ABTB3: variants seen among roughly 807,000 people sequenced by gnomAD.
The protein encoded by ABTB3 is ankyrin repeat- and BTB/POZ domain-containing protein 3.
the ABTB3 span, among the ~76,000 whole-genome samples, chr12:107,356,098 A>G: frequency 3.2e-4 from 48 of 152,302 alleles, 1 homozygote; most frequent in East Asian, 9.3e-3. Flanking sequence ...CACAATAAAA[A>G]TGTTCATCCA....
the ABTB3 span, among the ~76,000 whole-genome samples, chr12:107,412,062 T>C: frequency 6.6e-6 from 1 of 152,144 alleles, no homozygotes; most frequent in Non-Finnish European, 1.5e-5. Context: ...GCAGTGCTGT[T>C]TAGGAATGGT....
chr12:107,480,264 A>G, the ABTB3 span, among the ~76,000 whole-genome samples: 1 of 152,030 alleles, frequency 6.6e-6, no homozygotes, highest in African/African-American at 2.4e-5. Context: ...CTGATTGTGG[A>G]GGGCATTGCA....
chr12:107,318,904 T>A, the ABTB3 span: 5 of 1,545,584 alleles, frequency 3.2e-6, no homozygotes, highest in Middle Eastern at 1.7e-4. Context: ...TCCTTCCCTT[T>A]GGCTCCCAGG....
At chr12:107,357,602 T>G in the ABTB3 span, among the ~76,000 whole-genome samples, 1 of 152,170 alleles carries the variant, frequency 6.6e-6, no homozygotes, top group African/African-American at 2.4e-5. Context: ...CAGAGTAAGA[T>G]TCTATCTCTA....
chr12:107,652,818 G>C, the ABTB3 span, among the ~76,000 whole-genome samples: 3 of 152,258 alleles, frequency 2.0e-5, no homozygotes, highest in East Asian at 5.8e-4. Flanking sequence ...ACTGCATTTT[G>C]TTCCACGTGC....
chr12:107,453,089 G>T, the ABTB3 span, among the ~76,000 whole-genome samples: 2 of 152,134 alleles, frequency 1.3e-5, no homozygotes, highest in Non-Finnish European at 2.9e-5. Context: ...CTAGGGAATC[G>T]CATGTGTAAG....
the ABTB3 span, among the ~76,000 whole-genome samples, chr12:107,419,393 G>A: frequency 1.3e-5 from 2 of 152,146 alleles, no homozygotes; most frequent in Admixed American, 1.3e-4. Context: ...GCCTCTGCCT[G>A]CCTGCCTCTC....
At chr12:107,617,106 G>A in the ABTB3 span, 1 of 1,614,078 alleles carries the variant, frequency 6.2e-7, no homozygotes, top group Non-Finnish European at 8.5e-7. Flanking sequence ...TGGATGCTGG[G>A]GCCAAGGTGG....
At chr12:107,657,659 A>T in the ABTB3 span, 1 of 1,614,184 alleles carries the variant, frequency 6.2e-7, no homozygotes, top group Admixed American at 1.7e-5. Context: ...CTTACAGAGG[A>T]CGTTGGCCAT....
chr12:107,545,512 G>A, the ABTB3 span, among the ~76,000 whole-genome samples: 1 of 152,002 alleles, frequency 6.6e-6, no homozygotes, highest in Non-Finnish European at 1.5e-5. Flanking sequence ...TCAAAGTGCT[G>A]GGATTACAGG....
the ABTB3 span, among the ~76,000 whole-genome samples, chr12:107,475,103 A>G: frequency 6.6e-6 from 1 of 152,262 alleles, no homozygotes; most frequent in Non-Finnish European, 1.5e-5. Context: ...AACTCAACTC[A>G]GCAGTGAACC....
chr12:107,388,629 G>A, the ABTB3 span, among the ~76,000 whole-genome samples: 3 of 151,384 alleles, frequency 2.0e-5, no homozygotes, highest in Non-Finnish European at 1.5e-5. Flanking sequence ...CCCTCCTGCT[G>A]GAGGTCTGGG....
At chr12:107,340,431 A>G in the ABTB3 span, among the ~76,000 whole-genome samples, 11 of 152,200 alleles carry the variant, frequency 7.2e-5, no homozygotes, top group African/African-American at 2.4e-4. Context: ...AATAAATAGA[A>G]TCTAGTACAA....
At chr12:107,436,392 G>A in the ABTB3 span, among the ~76,000 whole-genome samples, 11 of 152,236 alleles carry the variant, frequency 7.2e-5, no homozygotes, top group Non-Finnish European at 1.6e-4. Context: ...TGGGCTTGGG[G>A]ATATGCATGT....
At chr12:107,649,453 G>C in the ABTB3 span, 1 of 611,516 alleles carries the variant, frequency 1.6e-6, no homozygotes, top group Non-Finnish European at 2.9e-6. Context: ...AACAGGAAGG[G>C]CTTCTCATCA....
the ABTB3 span, among the ~76,000 whole-genome samples, chr12:107,488,076 A>G: frequency 6.6e-6 from 1 of 152,006 alleles, no homozygotes; most frequent in South Asian, 2.1e-4. Context: ...GTACAAGAGT[A>G]CCTTCAAGGA....
At chr12:107,625,871 G>T in the ABTB3 span, among the ~76,000 whole-genome samples, 1 of 152,324 alleles carries the variant, frequency 6.6e-6, no homozygotes, top group Non-Finnish European at 1.5e-5. Flanking sequence ...TTGCAGCCTG[G>T]CAAGAGTAGA....
chr12:107,499,224 T>C, the ABTB3 span, among the ~76,000 whole-genome samples: 1 of 152,116 alleles, frequency 6.6e-6, no homozygotes, highest in South Asian at 2.1e-4. Context: ...AATAACACAG[T>C]ACAAACTTTC....
At chr12:107,620,866 C>G in the ABTB3 span, among the ~76,000 whole-genome samples, 1 of 152,326 alleles carries the variant, frequency 6.6e-6, no homozygotes, top group African/African-American at 2.4e-5. Context: ...TGGTGATGCT[C>G]TCTAGACACT....
Sources: gnomAD v4.1 joint callset for allele counts (sites outside exome capture counted in the v4.1 genomes callset) on GRCh38, gnomAD v4.1.1 for gene constraint, MANE v1.5 for transcripts, NCBI Gene and HGNC (gene_info 2026-07-23, HGNC 2026-07-21) for gene names.